The following MUC5AC variants were observed in gnomAD, a reference collection of about 807,000 sequenced individuals.
MUC5AC encodes mucin 5AC, oligomeric mucus/gel-forming, also known as mucin-5AC.
Under a neutral mutation model 169.7 loss-of-function variants are expected in MUC5AC, and 158 were observed. The ratio of observed to expected loss-of-function variants is 0.93; its 90% CI spans 0.82 to 1.06. The LOEUF (loss-of-function observed/expected upper bound fraction) is 1.06. Among genes scored for constraint, MUC5AC ranks in the 50% least tolerant of loss-of-function variants. The probability of loss-of-function intolerance (pLI) is 0.00; values close to 1 mark genes in which losing one functional copy is unlikely to be tolerated. For synonymous variants in MUC5AC, 1,975 were observed against 1,237.0 expected (o/e 1.60, Z -12.52); for missense variants, 4,359 against 3,089.9 (o/e 1.41, Z -9.74).
In MUC5AC at chr11:1,189,066, G is replaced by T. The variant is rs1357252769; in HGVS notation, c.10921G>T (p.Ala3641Ser). The change falls in exon 31 of 49, where the codon GCC (alanine) becomes TCC (serine). Residue 3641 changes from alanine to serine, a missense_variant. By Grantham distance (99) the Ala-to-Ser change is moderately conservative. Transcript: ENST00000621226. ...AGCTCCTAGCACCCCTAGTGGGAGA[G>T]CCACCAGCCCAACTCAGAGCACCTC... ...VTAPSTPSGR[A>S]TSPTQSTSSW... 9.4e-6 allele frequency: 6 copies of T among 635,468 alleles called. No homozygotes were observed. Among genetic ancestry groups the T allele is most frequent in the Non-Finnish European group, 1.7e-5 (6 of 354,334 alleles). 39.4% of individuals were successfully genotyped at this position (635,468 alleles called of 1,614,324 possible).
Position 1,185,674 on chromosome 11 carries a change from C to T in MUC5AC, c.7529C>T (p.Ser2510Phe). ...TCTTCTCCTACAACCAGCACAACCT[C>T]TGCTCCTACAACCAGCACAACCTCT... ...TTSSPTTSTT[S>F]APTTSTTSAS... is the part of the protein sequence containing the mutation. The change falls in exon 31 of 49, where the codon TCT becomes TTT. Residue 2510 changes from serine (S) to phenylalanine (F), a missense_variant. By Grantham distance (155) the Ser-to-Phe change is radical. Transcript: ENST00000621226. 1.3e-6 allele frequency: 1 copy of T among 741,876 alleles called. No individual in the cohort carries two copies. Among genetic ancestry groups the T allele is most frequent in the Non-Finnish European group, 2.5e-6 (1 of 406,230 alleles). 46.0% of individuals were successfully genotyped at this position (741,876 alleles called of 1,614,324 possible).
At chr11:1,164,619 C>T in intron 9 of MUC5AC, 87 bp downstream of exon 9, 2 of 1,475,874 alleles carry the variant, frequency 1.4e-6, no homozygotes, top group Non-Finnish European at 1.8e-6. Flanking sequence ...GAAGAAGGAC[C>T]CCAGTCCTAG....
intron 21 of MUC5AC, 91 bp from the exon 22 acceptor site, chr11:1,176,837 T>C (rs915680423): frequency 8.5e-5 from 34 of 398,564 alleles, no homozygotes; most frequent in Admixed American, 7.9e-4. Context: ...CGCGTGTCTA[T>C]GGTGCCAGGT....
Position 1,157,963 on chromosome 11 carries a change from G to A in MUC5AC, c.-37G>A, listed in dbSNP as rs1219200013. On this transcript the variant is annotated 5_prime_UTR_variant, in exon 1 of 49. Transcript: ENST00000621226. ...CACCTTGGGTCCCTCCTCAGAGGCT[G>A]CTGAGGGACAGGGCACTCTTCCCCG... The A allele has an allele frequency of 6.4e-7, 1 of 1,562,698 alleles. No homozygotes were observed. The highest frequency in any genetic ancestry group is 1.2e-5 in the South Asian group (1 of 84,814).
intron 4 of MUC5AC, 73 bp from the exon 5 acceptor site, chr11:1,162,459 C>T: frequency 7.4e-7 from 1 of 1,356,930 alleles, no homozygotes; most frequent in Non-Finnish European, 1.0e-6. Context: ...ACATTTGCGA[C>T]CGCAGGCATC....
At chr11:1,167,069 A>G (rs28570133) in intron 11 of MUC5AC, among the ~76,000 whole-genome samples, 4,037 of 40,286 alleles carry the variant, frequency 0.1, 227 homozygotes, top group East Asian at 0.33. Context: ...CCCTGCACCC[A>G]ACACACAGTC....
At chr11:1,168,588 C>T in intron 13 of MUC5AC, 36 bp downstream of exon 13, 1 of 1,612,474 alleles carries the variant, frequency 6.2e-7, no homozygotes, top group Non-Finnish European at 8.5e-7. Context: ...CCCGGGGCTG[C>T]CTGGGGTCCC....
intron 16 of MUC5AC, among the ~76,000 whole-genome samples, chr11:1,173,473 CCACTCACTCATCCACT>C (rs1288747447): frequency 1.3e-5 from 2 of 149,526 alleles, no homozygotes; most frequent in East Asian, 4.0e-4. Flanking sequence ...ACTCACTCAT[CCACTCACTCATCCACT>C]CACTCGCTCA....
intron 2 of MUC5AC, 49 bp from the exon 3 acceptor site, chr11:1,161,478 C>T (rs746328218): frequency 4.6e-5 from 68 of 1,466,244 alleles, no homozygotes; most frequent in East Asian, 7.2e-5. Context: ...GCGGAGCCCC[C>T]GCCCCACGTG....
In MUC5AC at chr11:1,199,446, G is replaced by A; in HGVS notation, c.16471G>A (p.Val5491Met). The A allele has an allele frequency of 2.7e-6, 2 of 729,140 alleles. No homozygotes were observed. Among genetic ancestry groups the A allele is most frequent in the Non-Finnish European group, 5.0e-6 (2 of 399,852 alleles). 45.2% of individuals were successfully genotyped at this position (729,140 alleles called of 1,614,324 possible). A position where few individuals can be genotyped will look rare whatever the true frequency, so the allele number is the denominator to read the frequency against. Residue 5491 changes from valine (V) to methionine (M), a missense_variant, in exon 46 of 49, where the codon GTG becomes ATG. By Grantham distance (21) the Val-to-Met change is conservative. Transcript: ENST00000621226. The part of the protein sequence containing the change: ...QCEKHQDGLV[V>M]VTTKKACPPL... ...TGAGAAGCACCAGGATGGGCTCGTG[G>A]TGGTCACCACGAAGAAGGCGTGCCC...
chr11:1,160,772 C>A, intron 2 of MUC5AC, 83 bp downstream of exon 2: 1 of 1,384,014 alleles, frequency 7.2e-7, no homozygotes. Flanking sequence ...GGCCACTGGT[C>A]TTAGGGTGGC....
Position 1,184,426 on chromosome 11 carries a change from C to T in MUC5AC, c.6281C>T (p.Ser2094Phe). 1 of 560,498 alleles carries T rather than the reference C, an allele frequency of 1.8e-6. No individual in the cohort carries two copies. The highest frequency in any genetic ancestry group is 3.2e-6 in the Non-Finnish European group (1 of 314,974). The allele number at this position is 560,498 out of a possible 1,614,324, so 34.7% of individuals were successfully genotyped here. The change falls in exon 31 of 49, where the codon TCC (serine) becomes TTC (phenylalanine). Residue 2094 changes from serine (S) to phenylalanine (F), a missense_variant. Coordinates refer to ENST00000621226, the MANE Select transcript of MUC5AC (RefSeq NM_001304359.2). ...SASTEQPTAT[S>F]RGGPTATSVT... ...TCCACAGAGCAACCCACGGCAACCT[C>T]CAGGGGTGGGCCCACAGCAACCAGC...
intron 26 of MUC5AC, 146 bp from the exon 27 acceptor site, chr11:1,179,876 C>G (rs1006778565): frequency 1.3e-4 from 53 of 396,892 alleles, no homozygotes; most frequent in Non-Finnish European, 8.0e-5. Flanking sequence ...ATTGGGGGGT[C>G]CCGATCTGGC....
chr11:1,161,253 G>A (rs1417119968), intron 2 of MUC5AC, among the ~76,000 whole-genome samples: 1 of 152,116 alleles, frequency 6.6e-6, no homozygotes, highest in Non-Finnish European at 1.5e-5. Context: ...AGGTTCTGAG[G>A]CCCATGGGCA....
At position 1,162,100 on chromosome 11, in the gene MUC5AC, G is replaced by C. The variant is rs76203912; in HGVS notation, c.405G>C (p.Arg135Ser). Residue 135 changes from arginine to serine, a missense_variant, in exon 4 of 49, where the codon AGG (arginine) becomes AGC (serine). Transcript: ENST00000621226. Reference protein sequence around the residue: ...SQESAAPTLSRVLMKVDGVVI... With the variant: ...SQESAAPTLSSVLMKVDGVVI... Reference sequence around the variant, plus strand: ...AGTCAGCGGCCCCCACGCTGAGCAGGGTCCTCATGAAGGTGGATGGCGTGG... The same window carrying C: ...AGTCAGCGGCCCCCACGCTGAGCAGCGTCCTCATGAAGGTGGATGGCGTGG... 14 of 1,612,554 alleles carry C rather than the reference G, an allele frequency of 8.7e-6. No individual in the cohort carries two copies. The highest frequency in any genetic ancestry group is 1.2e-5 in the Non-Finnish European group (14 of 1,179,842).
chr11:1,186,041 T>C lies in MUC5AC; in HGVS notation c.7896T>C (p.Pro2632=), dbSNP rs1416264079. Reference sequence around the variant, plus strand: ...CTACAACCAGCAGAATCTCTGGTCCTGAAACTACTCCCAGCCCTGTTCCTA... The same window carrying C: ...CTACAACCAGCAGAATCTCTGGTCCCGAAACTACTCCCAGCCCTGTTCCTA... ...SATTTSRISG[P]ETTPSPVPTA... Residue 2632 remains proline, a synonymous_variant, in exon 31 of 49, where the codon CCT becomes CCC. Coordinates refer to ENST00000621226, the MANE Select transcript of MUC5AC (RefSeq NM_001304359.2). 1.1e-5 allele frequency: 8 copies of C among 735,118 alleles called. No homozygotes were observed. The highest frequency in any genetic ancestry group is 9.2e-5 in the Admixed American group (5 of 54,378). 45.5% of individuals were successfully genotyped at this position (735,118 alleles called of 1,614,324 possible). A position where few individuals can be genotyped will look rare whatever the true frequency, so the allele number is the denominator to read the frequency against.
intron 1 of MUC5AC, among the ~76,000 whole-genome samples, chr11:1,158,765 C>A (rs1207537649): frequency 6.6e-6 from 1 of 152,154 alleles, no homozygotes; most frequent in Admixed American, 6.5e-5. Flanking sequence ...GTGGGTGCTC[C>A]TGGGCTCCTG....
intron 17 of MUC5AC, 108 bp from the exon 18 acceptor site, chr11:1,174,774 G>T: frequency 2.2e-6 from 1 of 454,462 alleles, no homozygotes; most frequent in Non-Finnish European, 3.9e-6. Flanking sequence ...CTTGGACCCG[G>T]CCGAGGAGGG....
At chr11:1,199,520 G>T in intron 46 of MUC5AC, 30 bp downstream of exon 46, 1 of 702,888 alleles carries the variant, frequency 1.4e-6, no homozygotes, top group Non-Finnish European at 2.6e-6. Flanking sequence ...CTCCAGCCAA[G>T]GGGGGCTTCA....
Sources: gnomAD v4.1 joint callset for allele counts (sites outside exome capture counted in the v4.1 genomes callset) on GRCh38, gnomAD v4.1.1 for gene constraint, MANE v1.5 for transcripts, NCBI Gene and HGNC (gene_info 2026-07-23, HGNC 2026-07-21) for gene names.